Variants in IL12RB2 observed in about 807,000 individuals in gnomAD.
The protein encoded by IL12RB2 is interleukin 12 receptor subunit beta 2, also known as interleukin-12 receptor subunit beta-2.
IL12RB2 carries 82 observed loss-of-function variants against 89.4 expected under a neutral mutation model. The observed-to-expected ratio is 0.92, with a 90% CI of 0.77 to 1.10. The LOEUF (loss-of-function observed/expected upper bound fraction) is 1.10, where lower values mean the gene tolerates loss of function less well. Among genes scored for constraint, IL12RB2 ranks in the 50% least tolerant of loss-of-function variants. The probability of loss-of-function intolerance (pLI) is 0.00; values close to 1 mark genes in which losing one functional copy is unlikely to be tolerated. For missense variants in IL12RB2, 963 were observed against 1,031.9 expected, an observed-to-expected ratio of 0.93 and a Z score of 0.92; for synonymous variants, 368 against 370.1, an observed-to-expected ratio of 0.99 and a Z score of 0.07.
chr1:67,354,859 C>T (rs142914774), intron 10 of IL12RB2, among the ~76,000 whole-genome samples: 10 of 152,266 alleles, frequency 6.6e-5, no homozygotes, highest in African/African-American at 2.2e-4. Context: ...CTGATTTATG[C>T]TGATTTTGAG....
chr1:67,369,794 C>T (rs1017682708), intron 11 of IL12RB2, among the ~76,000 whole-genome samples: 6 of 152,018 alleles, frequency 3.9e-5, no homozygotes, highest in African/African-American at 1.4e-4. Flanking sequence ...AATCCCAACA[C>T]TTTGGGAGGC....
intron 4 of IL12RB2, among the ~76,000 whole-genome samples, chr1:67,322,511 C>T (rs187123017): frequency 6.6e-6 from 1 of 151,138 alleles, no homozygotes; most frequent in African/African-American, 2.4e-5. Flanking sequence ...GTTACACAGC[C>T]CCAGGGAGGC....
rs970414661 is a variant in IL12RB2, at chr1:67,329,666, T to C, written c.744T>C (p.Asp248=). 13 of 1,589,256 alleles carry C rather than the reference T, an allele frequency of 8.2e-6. No homozygotes were observed. In the Admixed American group the frequency reaches 1.2e-4, roughly 14 times the overall value. The change falls in exon 7 of 17, where the codon GAT becomes GAC. Residue 248 remains aspartate, a synonymous_variant. Transcript: ENST00000674203. ...SVSRCTLYWR[D]EGLVLLNRLR... ...GCAGATGTACCCTTTATTGGAGAGA[T>C]GAGGGACTGGTACTGCTTAATCGAC...
chr1:67,365,560 G>A (rs1188322952), intron 10 of IL12RB2, among the ~76,000 whole-genome samples: 1 of 152,134 alleles, frequency 6.6e-6, no homozygotes, highest in Non-Finnish European at 1.5e-5. Flanking sequence ...CCAATAGTCA[G>A]ACATTACAAA....
chr1:67,329,817 G>C (rs1431503483), intron 7 of IL12RB2, 88 bp downstream of exon 7: 1 of 931,580 alleles, frequency 1.1e-6, no homozygotes, highest in African/African-American at 1.6e-5. Context: ...GCAAAAAATA[G>C]AGTTTAAGAA....
intron 6 of IL12RB2, 107 bp from the exon 7 acceptor site, chr1:67,329,480 A>G (rs914864785): frequency 1.3e-6 from 1 of 777,526 alleles, no homozygotes. Flanking sequence ...ATGGTTGTGC[A>G]TCTCAGAACT....
intron 2 of IL12RB2, among the ~76,000 whole-genome samples, chr1:67,319,112 A>G (rs1442671746): frequency 6.6e-6 from 1 of 152,232 alleles, no homozygotes; most frequent in African/African-American, 2.4e-5. Flanking sequence ...AAAGGCAGCC[A>G]TCCATATTGA....
intron 14 of IL12RB2, among the ~76,000 whole-genome samples, chr1:67,382,624 C>T (rs6672333): frequency 0.47 from 70,726 of 151,488 alleles, 18,677 homozygotes; most frequent in Non-Finnish European, 0.58. Flanking sequence ...CCTTCCATGC[C>T]TTTGCATAGT....
intron 10 of IL12RB2, among the ~76,000 whole-genome samples, chr1:67,362,794 T>G (rs1662247164): frequency 1.3e-5 from 2 of 151,942 alleles, no homozygotes; most frequent in Admixed American, 6.6e-5. Flanking sequence ...AAATGTGAAA[T>G]GAAGTTTTTC....
intron 8 of IL12RB2, among the ~76,000 whole-genome samples, chr1:67,336,352 T>C (rs970413110): frequency 1.3e-4 from 20 of 152,152 alleles, no homozygotes; most frequent in Non-Finnish European, 2.8e-4. Flanking sequence ...ATGTATATAG[T>C]GTCCGGACAC....
chr1:67,386,318 C>CTTTGCAT (rs945274672), intron 14 of IL12RB2, among the ~76,000 whole-genome samples: 2 of 151,148 alleles, frequency 1.3e-5, no homozygotes, highest in African/African-American at 4.9e-5. Context: ...CACAACTGTA[C>CTTTGCAT]TTTGCATTCC....
chr1:67,320,512 A>T, intron 3 of IL12RB2, 68 bp downstream of exon 3: 1 of 1,608,356 alleles, frequency 6.2e-7, no homozygotes. Flanking sequence ...CAGATGAAGT[A>T]TGTATTTGTG....
intron 8 of IL12RB2, among the ~76,000 whole-genome samples, chr1:67,331,488 A>G (rs1658061738): frequency 6.6e-6 from 1 of 152,240 alleles, no homozygotes; most frequent in African/African-American, 2.4e-5. Context: ...TGTAAACTTT[A>G]TGCCAATATT....
chr1:67,353,188 T>C (rs1661033585), intron 10 of IL12RB2, among the ~76,000 whole-genome samples: 1 of 152,244 alleles, frequency 6.6e-6, no homozygotes, highest in Admixed American at 6.5e-5. Flanking sequence ...AGGGATGTTG[T>C]AGCTATGTTT....
chr1:67,362,205 A>T (rs558696542), intron 10 of IL12RB2, among the ~76,000 whole-genome samples: 10 of 151,936 alleles, frequency 6.6e-5, no homozygotes, highest in African/African-American at 2.4e-4. Context: ...TGGGAGGCAG[A>T]GGTTGCAGTG....
chr1:67,325,869 G>A (rs979986994), intron 4 of IL12RB2, among the ~76,000 whole-genome samples: 2 of 152,160 alleles, frequency 1.3e-5, no homozygotes, highest in Non-Finnish European at 2.9e-5. Flanking sequence ...CTGAATAGCT[G>A]AGTATTTCTC....
chr1:67,367,732 T>G, intron 10 of IL12RB2, 93 bp from the exon 11 acceptor site: 1 of 792,720 alleles, frequency 1.3e-6, no homozygotes. Context: ...CTAAAACTTT[T>G]TCGTTGGGAT....
intron 10 of IL12RB2, 123 bp from the exon 11 acceptor site, chr1:67,367,702 T>C: frequency 1.3e-6 from 1 of 742,304 alleles, no homozygotes; most frequent in South Asian, 1.5e-5. Context: ...CCAAAGTCTT[T>C]AAAAGTAAAC....
intron 9 of IL12RB2, among the ~76,000 whole-genome samples, chr1:67,346,174 G>T (rs144815406): frequency 6.6e-6 from 1 of 152,146 alleles, no homozygotes; most frequent in Non-Finnish European, 1.5e-5. Context: ...TGGGCAAAGT[G>T]CTTAAACTCT....
Sources: gnomAD v4.1 joint callset for allele counts (sites outside exome capture counted in the v4.1 genomes callset) on GRCh38, gnomAD v4.1.1 for gene constraint, MANE v1.5 for transcripts, NCBI Gene and HGNC (gene_info 2026-07-23, HGNC 2026-07-21) for gene names.